Variants in MBNL2 observed in about 807,000 individuals in gnomAD.
The protein encoded by MBNL2 is muscleblind-like protein 2.
A neutral mutation model predicts 41.9 loss-of-function variants in MBNL2; 17 were observed. The observed-to-expected ratio is 0.41, with a 90% CI of 0.28 to 0.61. The LOEUF is 0.61. MBNL2 is among the 20% of genes least tolerant of loss of function. MBNL2 has a pLI of 0.35. For synonymous variants in MBNL2, 195 were observed against 182.9 expected, an observed-to-expected ratio of 1.07 and a Z score of -0.53; for missense variants, 336 against 505.6, an observed-to-expected ratio of 0.66 and a Z score of 3.22.
chr13:97,236,927 CTT>C (rs368152051), intron 1 of MBNL2, among the ~76,000 whole-genome samples: 1 of 150,326 alleles, frequency 6.7e-6, no homozygotes, highest in Non-Finnish European at 1.5e-5. Flanking sequence ...GCTTAAGAGA[CTT>C]TTTTTTTTCT....
the MBNL2 span, among the ~76,000 whole-genome samples, chr13:97,163,093 G>GTGC: frequency 6.6e-6 from 1 of 152,168 alleles, no homozygotes; most frequent in African/African-American, 2.4e-5. Context: ...AACAAAGAAT[G>GTGC]TGCTGTGTGC....
chr13:97,149,715 G>T, the MBNL2 span, among the ~76,000 whole-genome samples: 4 of 152,106 alleles, frequency 2.6e-5, no homozygotes, highest in East Asian at 7.7e-4. Context: ...AGCAGAGGTT[G>T]GGACCTGCAG....
intron 2 of MBNL2, among the ~76,000 whole-genome samples, chr13:97,314,942 A>G (rs1024188200): frequency 6.6e-6 from 1 of 152,234 alleles, no homozygotes; most frequent in Non-Finnish European, 1.5e-5. Context: ...AAATTCAGGG[A>G]TTTATAAGAA....
the MBNL2 span, among the ~76,000 whole-genome samples, chr13:97,185,846 A>C: frequency 6.6e-6 from 1 of 152,178 alleles, no homozygotes; most frequent in Admixed American, 6.5e-5. Flanking sequence ...AATTCCCTCC[A>C]CCCTGACAGG....
intron 1 of MBNL2, among the ~76,000 whole-genome samples, chr13:97,265,464 A>T (rs2049546337): frequency 1.3e-5 from 2 of 152,202 alleles, no homozygotes; most frequent in Admixed American, 6.5e-5. Flanking sequence ...CTAGTTAGAA[A>T]GAATGAAAGT....
the MBNL2 span, among the ~76,000 whole-genome samples, chr13:97,144,512 C>T: frequency 1.4e-5 from 2 of 146,880 alleles, no homozygotes; most frequent in South Asian, 2.2e-4. Flanking sequence ...TTACTGCAAC[C>T]TCTGCCTCCC....
At chr13:97,152,935 G>C in the MBNL2 span, among the ~76,000 whole-genome samples, 1 of 152,114 alleles carries the variant, frequency 6.6e-6, no homozygotes, top group Non-Finnish European at 1.5e-5. Context: ...GGTAAATCTA[G>C]AGAATATTAA....
chr13:97,319,990 G>A (rs1165211522), intron 2 of MBNL2, among the ~76,000 whole-genome samples: 2 of 152,208 alleles, frequency 1.3e-5, no homozygotes, highest in Middle Eastern at 3.4e-3. Flanking sequence ...CTAAGATCAT[G>A]AAAAAAATTG....
At chr13:97,185,205 A>C in the MBNL2 span, among the ~76,000 whole-genome samples, 1 of 152,212 alleles carries the variant, frequency 6.6e-6, no homozygotes, top group African/African-American at 2.4e-5. Flanking sequence ...AGAATCCCAA[A>C]TTGAGAGTTA....
chr13:97,177,332 C>G, the MBNL2 span, among the ~76,000 whole-genome samples: 4 of 152,110 alleles, frequency 2.6e-5, no homozygotes, highest in Admixed American at 1.3e-4. Flanking sequence ...GAATGAGAGA[C>G]TCTGTCTCCA....
intron 1 of MBNL2, among the ~76,000 whole-genome samples, chr13:97,253,682 T>A (rs1285086967): frequency 6.6e-6 from 1 of 152,102 alleles, no homozygotes; most frequent in Non-Finnish European, 1.5e-5. Context: ...TATAAAAAAT[T>A]CTTTAGTTAA....
intron 7 of MBNL2, among the ~76,000 whole-genome samples, chr13:97,359,779 C>T (rs1274523963): frequency 6.6e-6 from 1 of 152,038 alleles, no homozygotes. Flanking sequence ...TCTTACATGA[C>T]ATGAATATCA....
chr13:97,351,235 A>G (rs1442985431), intron 5 of MBNL2, among the ~76,000 whole-genome samples: 1 of 152,224 alleles, frequency 6.6e-6, no homozygotes, highest in Non-Finnish European at 1.5e-5. Context: ...AACATTCAGT[A>G]AACCATGTTG....
At chr13:97,192,284 A>G in the MBNL2 span, among the ~76,000 whole-genome samples, 1 of 152,022 alleles carries the variant, frequency 6.6e-6, no homozygotes, top group Non-Finnish European at 1.5e-5. Context: ...ATCTGACCCC[A>G]CCCCTACGTT....
At chr13:97,166,837 T>TAGAA in the MBNL2 span, among the ~76,000 whole-genome samples, 325 of 143,474 alleles carry the variant, frequency 2.3e-3, no homozygotes, top group African/African-American at 2.9e-3. Flanking sequence ...GATAGATAGA[T>TAGAA]AGAAAGATAG....
At chr13:97,156,383 G>A in the MBNL2 span, among the ~76,000 whole-genome samples, 3 of 147,460 alleles carry the variant, frequency 2.0e-5, no homozygotes, top group African/African-American at 7.6e-5. Flanking sequence ...TTGCTGTGCA[G>A]AAGCTCTTTA....
chr13:97,343,629 G>A (rs978538319), intron 4 of MBNL2, among the ~76,000 whole-genome samples: 1 of 152,294 alleles, frequency 6.6e-6, no homozygotes, highest in Non-Finnish European at 1.5e-5. Flanking sequence ...GGCAGCCGAG[G>A]ACACTCAGGG....
intron 2 of MBNL2, among the ~76,000 whole-genome samples, chr13:97,303,379 G>A (rs1051875366): frequency 1.3e-5 from 2 of 152,134 alleles, no homozygotes; most frequent in South Asian, 2.1e-4. Flanking sequence ...AAGCAGAAGC[G>A]AGGATTAACC....
intron 2 of MBNL2, among the ~76,000 whole-genome samples, chr13:97,304,477 G>T (rs1012495968): frequency 6.6e-6 from 1 of 151,808 alleles, no homozygotes; most frequent in African/African-American, 2.4e-5. Context: ...TTATCCTTTG[G>T]CATGCTATCC....
Sources: gnomAD v4.1 joint callset for allele counts (sites outside exome capture counted in the v4.1 genomes callset) on GRCh38, gnomAD v4.1.1 for gene constraint, MANE v1.5 for transcripts, NCBI Gene and HGNC (gene_info 2026-07-23, HGNC 2026-07-21) for gene names.